The following ERC1 variants were observed in gnomAD, a reference collection of about 807,000 sequenced individuals.
ERC1 encodes the protein ELKS/RAB6-interacting/CAST family member 1.
In ERC1, 56 loss-of-function variants were observed where a neutral mutation model predicts 132.0. The observed-to-expected ratio is 0.42, with a 90% CI of 0.34 to 0.53. The LOEUF is 0.53. ERC1 is among the 20% of genes least tolerant of loss of function. The pLI is 0.03. For missense variants in ERC1, 1,202 were observed against 1,349.9 expected (o/e 0.89, Z 1.72); for synonymous variants, 478 against 476.1 (o/e 1.00, Z -0.05).
chr12:1,482,509 C>T (rs746236052), intron 18 of ERC1, among the ~76,000 whole-genome samples: 2 of 152,070 alleles, frequency 1.3e-5, no homozygotes, highest in African/African-American at 2.4e-5. Flanking sequence ...TGCACTGGCG[C>T]GATCTCGGCT....
At chr12:1,298,401 G>A (rs1318397940) in intron 15 of ERC1, among the ~76,000 whole-genome samples, 3 of 151,844 alleles carry the variant, frequency 2.0e-5, no homozygotes, top group Middle Eastern at 3.2e-3. Flanking sequence ...AAACTAGCCG[G>A]GTGTGGTGGC....
At chr12:1,165,058 T>C (rs2154262741) in intron 8 of ERC1, among the ~76,000 whole-genome samples, 1 of 152,244 alleles carries the variant, frequency 6.6e-6, no homozygotes, top group South Asian at 2.1e-4. Context: ...AATTCAGGAA[T>C]TACCACAGAG....
chr12:1,188,906 A>G (rs1323179638), intron 11 of ERC1, among the ~76,000 whole-genome samples: 1 of 152,224 alleles, frequency 6.6e-6, no homozygotes, highest in African/African-American at 2.4e-5. Context: ...TTATACATAC[A>G]TGGCTTTAGA....
intron 17 of ERC1, among the ~76,000 whole-genome samples, chr12:1,425,683 A>G (rs2092612159): frequency 6.6e-6 from 1 of 152,178 alleles, no homozygotes; most frequent in South Asian, 2.1e-4. Flanking sequence ...TTAATGGCCA[A>G]ACTTACTTTT....
intron 15 of ERC1, among the ~76,000 whole-genome samples, chr12:1,324,636 T>C (rs572893665): frequency 1.1e-3 from 167 of 152,316 alleles, no homozygotes; most frequent in African/African-American, 3.8e-3. Context: ...AAAATTATTA[T>C]CCAATACATA....
chr12:1,144,076 T>C (rs1432262959), intron 8 of ERC1, among the ~76,000 whole-genome samples: 2 of 152,150 alleles, frequency 1.3e-5, no homozygotes, highest in African/African-American at 4.8e-5. Context: ...TCCTTCTCCT[T>C]CTACTTCTGT....
intron 15 of ERC1, among the ~76,000 whole-genome samples, chr12:1,310,219 A>G (rs60174917): frequency 0.38 from 54,788 of 144,594 alleles, 10,266 homozygotes; most frequent in Middle Eastern, 0.48. Context: ...TTTTTATTTT[A>G]TTTTATTTTA....
At chr12:1,266,284 CA>C (rs2077472305) in intron 14 of ERC1, among the ~76,000 whole-genome samples, 1 of 150,880 alleles carries the variant, frequency 6.6e-6, no homozygotes, top group Non-Finnish European at 1.5e-5. Flanking sequence ...TTAAGTGGTT[CA>C]AGGTATGAAG....
chr12:1,255,205 C>A (rs2076715585), intron 13 of ERC1, among the ~76,000 whole-genome samples: 1 of 150,952 alleles, frequency 6.6e-6, no homozygotes, highest in African/African-American at 2.4e-5. Context: ...GTTTGGTTTT[C>A]TGTTCTTGTG....
At chr12:1,484,154 A>C (rs1041901207) in intron 18 of ERC1, among the ~76,000 whole-genome samples, 1 of 151,796 alleles carries the variant, frequency 6.6e-6, no homozygotes, top group Admixed American at 6.5e-5. Flanking sequence ...AAATACAAAA[A>C]ATTAGCCGAG....
At chr12:1,150,110 ACT>A (rs1227545878) in intron 8 of ERC1, among the ~76,000 whole-genome samples, 1 of 152,114 alleles carries the variant, frequency 6.6e-6, no homozygotes, top group African/African-American at 2.4e-5. Context: ...GATGTTCATA[ACT>A]CTGTGTGTTG....
chr12:1,136,963 C>G (rs951661187), intron 7 of ERC1, among the ~76,000 whole-genome samples: 7 of 152,072 alleles, frequency 4.6e-5, no homozygotes, highest in Admixed American at 6.5e-5. Context: ...CCTGTGTTCA[C>G]CTGTGTTCCT....
At chr12:1,172,171 A>G (rs991099671) in intron 8 of ERC1, among the ~76,000 whole-genome samples, 2 of 152,188 alleles carry the variant, frequency 1.3e-5, no homozygotes, top group Non-Finnish European at 2.9e-5. Context: ...AGTTAATTTA[A>G]AAATGTTTCT....
chr12:1,000,258 G>A (rs1042071445), intron 1 of ERC1, among the ~76,000 whole-genome samples: 1 of 152,160 alleles, frequency 6.6e-6, no homozygotes, highest in Non-Finnish European at 1.5e-5. Context: ...ACTGAGGTGG[G>A]TGGATCACTT....
At chr12:1,081,241 G>A (rs942105606) in intron 2 of ERC1, among the ~76,000 whole-genome samples, 1 of 152,158 alleles carries the variant, frequency 6.6e-6, no homozygotes, top group African/African-American at 2.4e-5. Flanking sequence ...TAACCATTCA[G>A]ATTAAAGGTT....
chr12:1,062,242 G>A (rs984967597), intron 2 of ERC1, among the ~76,000 whole-genome samples: 29 of 151,972 alleles, frequency 1.9e-4, no homozygotes, highest in Admixed American at 1.1e-3. Flanking sequence ...CTCGGCCCCC[G>A]AAGTGCTGGG....
chr12:1,329,594 A>G (rs1044768616), intron 15 of ERC1, among the ~76,000 whole-genome samples: 1 of 152,224 alleles, frequency 6.6e-6, no homozygotes, highest in Non-Finnish European at 1.5e-5. Flanking sequence ...TAATTTTCCC[A>G]ATTATACTAA....
chr12:1,246,852 TTAAA>T (rs1167904988), intron 13 of ERC1, among the ~76,000 whole-genome samples: 1 of 152,176 alleles, frequency 6.6e-6, no homozygotes, highest in Non-Finnish European at 1.5e-5. Flanking sequence ...GCAGTACACT[TTAAA>T]TATGTCAAGA....
chr12:1,139,023 C>T (rs181173430), intron 7 of ERC1, among the ~76,000 whole-genome samples: 20 of 152,274 alleles, frequency 1.3e-4, no homozygotes, highest in Non-Finnish European at 8.8e-5. Flanking sequence ...GAAGAAAATA[C>T]GATACCTGAG....
Sources: allele counts gnomAD v4.1 joint callset (sites outside exome capture counted in the v4.1 genomes callset), GRCh38; gene constraint gnomAD v4.1.1; transcripts MANE v1.5; gene names NCBI Gene and HGNC (gene_info 2026-07-23, HGNC 2026-07-21).